Variants in GOLGA4 observed in about 807,000 individuals in gnomAD.
GOLGA4 encodes golgin subfamily A member 4.
GOLGA4 carries 169 observed loss-of-function variants against 265.9 expected under a neutral mutation model. The ratio of observed to expected loss-of-function variants is 0.64; its 90% CI spans 0.56 to 0.72. The LOEUF is 0.72. Ranked by LOEUF, GOLGA4 falls within the 30% of genes least tolerant of loss-of-function variation. The pLI is 0.00. For missense variants in GOLGA4, 2,482 were observed against 2,483.4 expected (o/e 1.00, Z 0.01); for synonymous variants, 923 against 855.8 (o/e 1.08, Z -1.37).
At chr3:37,289,194 G>A (rs780001046) in intron 4 of GOLGA4, 41 bp from the exon 5 acceptor site, 3 of 1,058,884 alleles carry the variant, frequency 2.8e-6, no homozygotes, top group Admixed American at 4.3e-5. Context: ...ATGTCATACA[G>A]TTAGCTGTTT....
At chr3:37,356,133 A>G (rs1405468135) in intron 22 of GOLGA4, among the ~76,000 whole-genome samples, 1 of 152,104 alleles carries the variant, frequency 6.6e-6, no homozygotes, top group Non-Finnish European at 1.5e-5. Context: ...CTCCTTCTCT[A>G]CATGATCACC....
At position 37,251,864 on chromosome 3, in the gene GOLGA4, C is replaced by T. The variant is rs374050122; in HGVS notation, c.162+380C>T. Among the ~76,000 whole-genome samples the T allele has an allele frequency of 3.4e-3, 515 of 152,176 alleles. 4 individuals are homozygous for T. The highest frequency in any genetic ancestry group is 0.012 in the African/African-American group (499 of 41,524). On this transcript the variant is annotated intron_variant, in intron 2 of 23. Coordinates refer to ENST00000361924, the MANE Select transcript of GOLGA4 (RefSeq NM_002078.5). ...CTGCCTGGCTAACGTTTAAATTTTTCGTAGACGGGGTCCCACTATGTTGCT... is the reference window on the plus strand; with the variant it reads ...CTGCCTGGCTAACGTTTAAATTTTTTGTAGACGGGGTCCCACTATGTTGCT...
intron 2 of GOLGA4, chr3:37,266,982 G>T: frequency 2.1e-6 from 2 of 942,354 alleles, no homozygotes; most frequent in African/African-American, 1.7e-5. Flanking sequence ...TTGTGGGGAA[G>T]CAAAGTAATT....
chr3:37,268,787 G>A (rs1205553391), intron 2 of GOLGA4, among the ~76,000 whole-genome samples: 5 of 152,160 alleles, frequency 3.3e-5, no homozygotes, highest in African/African-American at 9.7e-5. Context: ...GGCCAGGCTG[G>A]TCTGGAACTC....
intron 21 of GOLGA4, among the ~76,000 whole-genome samples, chr3:37,354,129 T>C (rs1195183695): frequency 6.6e-6 from 1 of 152,068 alleles, no homozygotes; most frequent in Non-Finnish European, 1.5e-5. Context: ...CTTTTTTTCC[T>C]AATGACGTGA....
chr3:37,349,142 G>A (rs2097065639), intron 21 of GOLGA4, among the ~76,000 whole-genome samples: 2 of 152,110 alleles, frequency 1.3e-5, no homozygotes, highest in African/African-American at 4.8e-5. Flanking sequence ...ATAGAAAATT[G>A]GTACTAGGTA....
At chr3:37,315,625 G>T in intron 11 of GOLGA4, 27 bp downstream of exon 11, 1 of 1,563,518 alleles carries the variant, frequency 6.4e-7, no homozygotes, top group Non-Finnish European at 8.8e-7. Flanking sequence ...AATGAAATGG[G>T]CTACAACAAA....
chr3:37,354,950 A>T, intron 21 of GOLGA4, 151 bp from the exon 22 acceptor site: 1 of 534,928 alleles, frequency 1.9e-6, no homozygotes, highest in East Asian at 3.1e-5. Flanking sequence ...TAGTGTTGTT[A>T]TTTCCTTGAC....
At chr3:37,317,617 A>G (rs2096941496) in intron 11 of GOLGA4, among the ~76,000 whole-genome samples, 1 of 152,210 alleles carries the variant, frequency 6.6e-6, no homozygotes, top group African/African-American at 2.4e-5. Flanking sequence ...TTATACCCTG[A>G]CAAGCAATGT....
At chr3:37,346,304 A>G (rs990332461) in intron 20 of GOLGA4, among the ~76,000 whole-genome samples, 2 of 152,232 alleles carry the variant, frequency 1.3e-5, no homozygotes, top group African/African-American at 4.8e-5. Flanking sequence ...TAGTCCTTAT[A>G]TCTCTGTTGT....
intron 20 of GOLGA4, among the ~76,000 whole-genome samples, chr3:37,346,033 AG>A (rs56742545): frequency 1.0e-3 from 155 of 152,286 alleles, no homozygotes; most frequent in African/African-American, 3.1e-3. Context: ...ATAGATCTAG[AG>A]GAATAAAATA....
intron 2 of GOLGA4, among the ~76,000 whole-genome samples, chr3:37,254,344 T>C (rs1237796098): frequency 6.6e-6 from 1 of 152,196 alleles, no homozygotes; most frequent in Non-Finnish European, 1.5e-5. Context: ...CATTTCAGTA[T>C]ATGCATCAAG....
At chr3:37,310,718 AGT>A (rs200337682) in intron 10 of GOLGA4, among the ~76,000 whole-genome samples, 21 of 151,454 alleles carry the variant, frequency 1.4e-4, no homozygotes, top group African/African-American at 2.2e-4. Flanking sequence ...GTATTTTTAA[AGT>A]GTGTGTGTGT....
rs767741296 is a variant in GOLGA4 at position 37,243,505 on chromosome 3, G to A, written c.-46G>A. On this transcript the variant is annotated 5_prime_UTR_variant, in exon 1 of 24. Transcript: ENST00000361924. ...CGCGGCCGGGACTCCCCGGGCTCTCGCCCTTCAGGTTTCGTTGACACTCAG... is the reference window on the plus strand; with the variant it reads ...CGCGGCCGGGACTCCCCGGGCTCTCACCCTTCAGGTTTCGTTGACACTCAG... The A allele has an allele frequency of 1.1e-5, 18 of 1,568,184 alleles. No individual in the cohort carries two copies.
At chr3:37,353,968 T>C (rs2097082956) in intron 21 of GOLGA4, among the ~76,000 whole-genome samples, 1 of 152,000 alleles carries the variant, frequency 6.6e-6, no homozygotes, top group African/African-American at 2.4e-5. Flanking sequence ...AGTCTTGCCA[T>C]GTGTGGGATT....
At chr3:37,340,606 A>G (rs968459806) in intron 20 of GOLGA4, among the ~76,000 whole-genome samples, 1 of 152,236 alleles carries the variant, frequency 6.6e-6, no homozygotes, top group Admixed American at 6.5e-5. Flanking sequence ...TCCTTTGGAC[A>G]GCATCTCCCA....
In GOLGA4 at chr3:37,326,889, A is replaced by C. The variant is rs746845572; in HGVS notation, c.5003A>C (p.Lys1668Thr). ...GAAGAGAAAGAAGAACAGTATAAAAAAGGTACAGAAAGCCATTTGAGTGAG... is the reference window on the plus strand; with the variant it reads ...GAAGAGAAAGAAGAACAGTATAAAACAGGTACAGAAAGCCATTTGAGTGAG... ...QMEEKEEQYKKGTESHLSELN... is the reference protein window; with the variant it reads ...QMEEKEEQYKTGTESHLSELN... Residue 1668 changes from lysine to threonine, a missense_variant, in exon 14 of 24, where the codon AAA (lysine) becomes ACA (threonine). Transcript: ENST00000361924. 2 of 1,613,808 alleles carry C rather than the reference A, an allele frequency of 1.2e-6. No individual in the cohort carries two copies. Among genetic ancestry groups the C allele is most frequent in the Non-Finnish European group, 1.7e-6 (2 of 1,179,772 alleles).
chr3:37,300,338 C>T (rs186874214), intron 9 of GOLGA4, among the ~76,000 whole-genome samples: 331 of 152,158 alleles, frequency 2.2e-3, no homozygotes, highest in African/African-American at 7.5e-3. Context: ...TTTAATATGC[C>T]GGGTTATCAC....
At position 37,296,169 on chromosome 3, in the gene GOLGA4, C is replaced by T; in HGVS notation, c.764C>T (p.Ala255Val). The change falls in exon 7 of 24, where the codon GCT (alanine) becomes GTT (valine). Residue 255 changes from alanine (A) to valine (V), a missense_variant. Ala to Val is a moderately conservative substitution (Grantham distance 64). This residue lies in a region of GOLGA4 where 1,536 missense variants were observed against 1,483.7 expected (regional missense o/e 1.04). Transcript: ENST00000361924. ...CCACTTCCTCAGCTGGAACCACAGG[C>T]TGAAGTCTTCACTAAAGAAGAGAAT... Reference protein sequence around the residue: ...LKPLPQLEPQAEVFTKEENPE... With the variant: ...LKPLPQLEPQVEVFTKEENPE... The T allele has an allele frequency of 6.2e-7, 1 of 1,613,844 alleles. No individual in the cohort carries two copies. Among genetic ancestry groups the T allele is most frequent in the South Asian group, 1.1e-5 (1 of 91,074 alleles).
Sources: allele counts gnomAD v4.1 joint callset (sites outside exome capture counted in the v4.1 genomes callset), GRCh38; gene constraint gnomAD v4.1.1; regional missense constraint gnomAD v4.1.1; transcripts MANE v1.5; gene names NCBI Gene and HGNC (gene_info 2026-07-23, HGNC 2026-07-21).